The following TECRL variants were observed in gnomAD, a reference collection of about 807,000 sequenced individuals.
TECRL encodes trans-2,3-enoyl-CoA reductase like, also known as trans-2,3-enoyl-CoA reductase-like.
In TECRL, 63 loss-of-function variants were observed where a neutral mutation model predicts 52.8. The observed-to-expected ratio is 1.19, with a 90% CI of 0.97 to 1.47. The LOEUF (loss-of-function observed/expected upper bound fraction) is 1.47. TECRL is among the 40% of genes most tolerant of loss of function. TECRL has a pLI of 0.00. For missense variants in TECRL, 482 were observed against 429.6 expected (o/e 1.12, Z -1.08); for synonymous variants, 164 against 141.9 (o/e 1.16, Z -1.10).
chr4:64,409,363 AGAG>A lies in TECRL; in HGVS notation c.-15_-13del, dbSNP rs752233405. The A allele has an allele frequency of 4.3e-6, 7 of 1,610,390 alleles. No homozygotes were observed. In the Admixed American group the frequency reaches 1.2e-4, roughly 27 times the overall value. ...TGCCTTTTGAACATTGTGTGAACTA[AGAG>A]GAGGGTCTGTCATGTCAAAAGTAGA... On this transcript the variant is annotated 5_prime_UTR_variant, in exon 1 of 12. Coordinates refer to ENST00000381210, the MANE Select transcript of TECRL (RefSeq NM_001010874.5).
chr4:64,375,080 C>T, intron 2 of TECRL, 92 bp downstream of exon 2: 3 of 506,698 alleles, frequency 5.9e-6, no homozygotes, highest in Non-Finnish European at 6.6e-6. Context: ...GGTTTTCATA[C>T]ACTCTAACAT....
intron 8 of TECRL, among the ~76,000 whole-genome samples, chr4:64,295,237 A>G (rs556203953): frequency 1.9e-4 from 29 of 151,522 alleles, no homozygotes; most frequent in African/African-American, 5.3e-4. Context: ...TAATGGTAAG[A>G]CTCTAAATAA....
At chr4:64,288,441 G>A (rs1172803055) in intron 9 of TECRL, among the ~76,000 whole-genome samples, 1 of 152,096 alleles carries the variant, frequency 6.6e-6, no homozygotes, top group Non-Finnish European at 1.5e-5. Flanking sequence ...GAAGCAAATT[G>A]GAGAGGTGAA....
chr4:64,393,353 A>G (rs1296058456), intron 1 of TECRL, among the ~76,000 whole-genome samples: 2 of 151,978 alleles, frequency 1.3e-5, no homozygotes, highest in Non-Finnish European at 2.9e-5. Context: ...TCCAAATGTG[A>G]TTTTGACTGC....
chr4:64,373,558 A>G (rs1374553671), intron 2 of TECRL, among the ~76,000 whole-genome samples: 1 of 151,136 alleles, frequency 6.6e-6, no homozygotes, highest in African/African-American at 2.4e-5. Context: ...ATAAATTATT[A>G]TAAAAATAAT....
At chr4:64,402,422 G>A (rs894078445) in intron 1 of TECRL, among the ~76,000 whole-genome samples, 10 of 151,790 alleles carry the variant, frequency 6.6e-5, no homozygotes, top group African/African-American at 2.2e-4. Flanking sequence ...TCTTTTAAAC[G>A]TCTATGATAG....
intron 2 of TECRL, among the ~76,000 whole-genome samples, chr4:64,365,965 A>G (rs1461017103): frequency 6.6e-6 from 1 of 152,110 alleles, no homozygotes; most frequent in Non-Finnish European, 1.5e-5. Context: ...GAAGCATCAC[A>G]TTACCTAACT....
intron 6 of TECRL, among the ~76,000 whole-genome samples, chr4:64,308,365 A>T (rs1408477185): frequency 6.6e-6 from 1 of 152,160 alleles, no homozygotes; most frequent in Non-Finnish European, 1.5e-5. Context: ...TGCCATTAGC[A>T]TTGTGGCTTC....
rs764174354 is a variant in TECRL, at chr4:64,289,727, GACA to G, written c.812_814del (p.Leu271del). Reference sequence around the variant, plus strand: ...GAACTAACCTGTGTGATTGGGATGAGACAACATTACATTGATGAAATGATTCCC... The same window carrying G: ...GAACTAACCTGTGTGATTGGGATGAGACATTACATTGATGAAATGATTCCC... On this transcript the variant is annotated inframe_deletion, in exon 9 of 12. Coordinates refer to ENST00000381210, the MANE Select transcript of TECRL (RefSeq NM_001010874.5). 6.1e-5 allele frequency: 94 copies of G among 1,546,508 alleles called. No individual in the cohort carries two copies. Among genetic ancestry groups the G allele is most frequent in the Non-Finnish European group, 7.3e-5 (85 of 1,156,494 alleles).
intron 1 of TECRL, among the ~76,000 whole-genome samples, chr4:64,406,743 G>A (rs1724754060): frequency 1.3e-5 from 2 of 151,828 alleles, no homozygotes; most frequent in African/African-American, 2.4e-5. Flanking sequence ...GATGTAACAG[G>A]GATTGAGTCC....
intron 2 of TECRL, among the ~76,000 whole-genome samples, chr4:64,347,112 T>C (rs1218330394): frequency 6.6e-6 from 1 of 152,150 alleles, no homozygotes; most frequent in African/African-American, 2.4e-5. Flanking sequence ...AATCCTGAAT[T>C]GTGACATTCT....
chr4:64,297,238 T>C (rs1214428151), intron 8 of TECRL, among the ~76,000 whole-genome samples: 1 of 151,358 alleles, frequency 6.6e-6, no homozygotes, highest in Non-Finnish European at 1.5e-5. Flanking sequence ...ACAAAATAGA[T>C]TAATCTGACA....
intron 1 of TECRL, among the ~76,000 whole-genome samples, chr4:64,405,954 G>A (rs559181234): frequency 4.6e-5 from 7 of 152,170 alleles, no homozygotes; most frequent in African/African-American, 1.7e-4. Context: ...TATTTGCCGT[G>A]CCTCACTGGT....
chr4:64,279,415 T>TG lies in TECRL; in HGVS notation c.*656_*657insC, dbSNP rs1722705783. 6.6e-6 allele frequency: 1 copy of TG among 152,156 alleles called. No individual in the cohort carries two copies. The highest frequency in any genetic ancestry group is 2.4e-5 in the African/African-American group (1 of 41,414). 9.4% of individuals were successfully genotyped at this position (152,156 alleles called of 1,614,324 possible). ...GCCACCACGCCCAGCTAATTTTTAC[T>TG]TTTTAAAATTTTTTTGTAGAGACAG... On this transcript the variant is annotated 3_prime_UTR_variant, in exon 12 of 12. Coordinates refer to ENST00000381210, the MANE Select transcript of TECRL (RefSeq NM_001010874.5).
chr4:64,408,468 C>G (rs945622688), intron 1 of TECRL, among the ~76,000 whole-genome samples: 1 of 151,720 alleles, frequency 6.6e-6, no homozygotes, highest in Non-Finnish European at 1.5e-5. Flanking sequence ...AGTTTTCTAA[C>G]CTAAGAAGAG....
At chr4:64,373,006 T>C (rs941421995) in intron 2 of TECRL, among the ~76,000 whole-genome samples, 3 of 151,742 alleles carry the variant, frequency 2.0e-5, no homozygotes, top group Non-Finnish European at 4.4e-5. Flanking sequence ...TTTTTACTAA[T>C]GTCCATATGT....
intron 2 of TECRL, among the ~76,000 whole-genome samples, chr4:64,369,568 G>A (rs1213842875): frequency 6.6e-6 from 1 of 151,928 alleles, no homozygotes; most frequent in Non-Finnish European, 1.5e-5. Flanking sequence ...ATTTTTTCAG[G>A]CAAATAGAGG....
At chr4:64,315,528 G>T (rs1717438942) in intron 4 of TECRL, among the ~76,000 whole-genome samples, 1 of 152,010 alleles carries the variant, frequency 6.6e-6, no homozygotes, top group Admixed American at 6.6e-5. Flanking sequence ...ATTTACTTTG[G>T]AGTTTTCAAA....
At chr4:64,322,902 A>C in intron 3 of TECRL, 110 bp from the exon 4 acceptor site, 1 of 765,364 alleles carries the variant, frequency 1.3e-6, no homozygotes, top group Non-Finnish European at 2.0e-6. Flanking sequence ...TTAATATGGA[A>C]ATTACAATGT....
Sources: gnomAD v4.1 joint callset for allele counts (sites outside exome capture counted in the v4.1 genomes callset) on GRCh38, gnomAD v4.1.1 for gene constraint, MANE v1.5 for transcripts, NCBI Gene and HGNC (gene_info 2026-07-23, HGNC 2026-07-21) for gene names.